Variants in FCHO1 observed in about 807,000 individuals in gnomAD.
The protein encoded by FCHO1 is FCH and mu domain containing endocytic adaptor 1.
In FCHO1, 45 loss-of-function variants were observed where a neutral mutation model predicts 114.4. The observed-to-expected ratio is 0.39, with a 90% CI of 0.31 to 0.50. The LOEUF (loss-of-function observed/expected upper bound fraction) is 0.50. FCHO1 is among the 20% of genes least tolerant of loss of function. The pLI, the probability that FCHO1 is intolerant of heterozygous loss-of-function variation, is 0.77. For synonymous variants in FCHO1, 480 were observed against 488.9 expected, an observed-to-expected ratio of 0.98 and a Z score of 0.24; for missense variants, 1,042 against 1,209.6, an observed-to-expected ratio of 0.86 and a Z score of 2.06.
At chr19:17,783,250 C>T in intron 24 of FCHO1, 78 bp downstream of exon 24, 1 of 1,415,638 alleles carries the variant, frequency 7.1e-7, no homozygotes, top group Non-Finnish European at 9.6e-7. Flanking sequence ...TCCCTCTCTG[C>T]TTCCTGGGAT....
chr19:17,764,479 G>T, intron 6 of FCHO1, 30 bp downstream of exon 6: 1 of 1,565,564 alleles, frequency 6.4e-7, no homozygotes, highest in Non-Finnish European at 8.7e-7. Flanking sequence ...CCAACATGGG[G>T]ACATTGGGAG....
intron 27 of FCHO1, 148 bp downstream of exon 27, chr19:17,786,777 G>C: frequency 1.2e-6 from 1 of 825,514 alleles, no homozygotes; most frequent in Non-Finnish European, 1.9e-6. Flanking sequence ...GGAGGGCCGG[G>C]CTGAGTGGCA....
chr19:17,767,581 AAAC>A (rs977576133), intron 7 of FCHO1, among the ~76,000 whole-genome samples: 11 of 151,790 alleles, frequency 7.2e-5, no homozygotes, highest in African/African-American at 2.4e-4. Flanking sequence ...AAAAAAAAAA[AAAC>A]AAGAGAGAGA....
At chr19:17,751,171 T>C (rs1300273197), upstream of FCHO1, among the ~76,000 whole-genome samples, 1 of 152,200 alleles carries the variant, frequency 6.6e-6, no homozygotes, top group Non-Finnish European at 1.5e-5. This position sits in a 1 kb window ranked among gnomAD's most constrained non-coding sequence, Gnocchi z 4.4. Context: ...CATTTCCCTC[T>C]CTGAGCCTCA....
At chr19:17,773,750 A>T (rs1226472172) in intron 11 of FCHO1, among the ~76,000 whole-genome samples, 1 of 152,088 alleles carries the variant, frequency 6.6e-6, no homozygotes, top group African/African-American at 2.4e-5. Flanking sequence ...CCCTTGGTCC[A>T]TCCCACTTCT....
chr19:17,779,288 C>T (rs574575175), intron 20 of FCHO1, among the ~76,000 whole-genome samples: 2 of 152,112 alleles, frequency 1.3e-5, no homozygotes, highest in Admixed American at 6.5e-5. Context: ...AGGCAGGGAC[C>T]AGGAAGGGCC....
chr19:17,780,567 C>G (rs188027891), intron 20 of FCHO1, among the ~76,000 whole-genome samples: 4 of 152,172 alleles, frequency 2.6e-5, no homozygotes, highest in Admixed American at 2.6e-4. Context: ...GAGTGGTGCT[C>G]CTGGCATTCA....
intron 26 of FCHO1, among the ~76,000 whole-genome samples, chr19:17,785,641 G>C (rs954207003): frequency 1.3e-5 from 2 of 152,060 alleles, no homozygotes; most frequent in African/African-American, 2.4e-5. Context: ...AGACCATCCT[G>C]GTTAATATGG....
At chr19:17,778,502 T>TG (rs2092940339) in intron 19 of FCHO1, 107 bp from the exon 20 acceptor site, 2 of 1,339,218 alleles carry the variant, frequency 1.5e-6, no homozygotes, top group Admixed American at 5.4e-5. Flanking sequence ...GGACTTTGAA[T>TG]GGGGGCCCCC....
intron 4 of FCHO1, among the ~76,000 whole-genome samples, chr19:17,758,407 G>A (rs2084656800): frequency 6.6e-6 from 1 of 152,132 alleles, no homozygotes; most frequent in South Asian, 2.1e-4. Context: ...ACAAAATGTG[G>A]TGGTGGAAAG....
chr19:17,785,517 C>G (rs2093796324), intron 26 of FCHO1, among the ~76,000 whole-genome samples: 6 of 152,000 alleles, frequency 3.9e-5, no homozygotes, highest in Admixed American at 3.9e-4. Context: ...ACCACTGCAC[C>G]CAGCCTTACA....
chr19:17,775,628 T>A lies in FCHO1; in HGVS notation c.1003+115T>A. ...TGTGTACATCCTGGAGAGAGTCTCCTTTGTGGATGAAGCCAACCTAAATGT... is the reference window on the plus strand; with the variant it reads ...TGTGTACATCCTGGAGAGAGTCTCCATTGTGGATGAAGCCAACCTAAATGT... On this transcript the variant is annotated intron_variant, in intron 15 of 28. Transcript: ENST00000596536. The surrounding 1 kb of genome is among the most constrained non-coding windows in gnomAD (Gnocchi z 5.1). The A allele has an allele frequency of 9.6e-7, 1 of 1,036,728 alleles. No homozygotes were observed. Among genetic ancestry groups the A allele is most frequent in the Non-Finnish European group, 1.5e-6 (1 of 667,826 alleles). The allele number at this position is 1,036,728 out of a possible 1,614,324, so 64.2% of individuals were successfully genotyped here. A position where few individuals can be genotyped will look rare whatever the true frequency, so the allele number is the denominator to read the frequency against.
Position 17,776,833 on chromosome 19 carries a change from TCTCA to T in FCHO1, c.1259+151_1259+154del. ...TTTTTGTTTTTGTTTTGAGACAGAG[TCTCA>T]CTCTGTCACCCAGGCTGGAGTGCGA... On this transcript the variant is annotated intron_variant, in intron 18 of 28. Coordinates refer to ENST00000596536, the MANE Select transcript of FCHO1 (RefSeq NM_015122.3). This position sits in a 1 kb window ranked among gnomAD's most constrained non-coding sequence, Gnocchi z 4.4. 1.4e-6 allele frequency: 1 copy of T among 732,990 alleles called. No individual in the cohort carries two copies. Among genetic ancestry groups the T allele is most frequent in the South Asian group, 1.9e-5 (1 of 54,030 alleles). The allele number at this position is 732,990 out of a possible 1,614,324, so 45.4% of individuals were successfully genotyped here. A position where few individuals can be genotyped will look rare whatever the true frequency, so the allele number is the denominator to read the frequency against.
At position 17,775,018 on chromosome 19, in the gene FCHO1, G is replaced by T; in HGVS notation, c.921-38G>T. ...GCTGACAGGGGGCACCAGATGGGCT[G>T]CGGAAGCTGACACCAACATCTCTTC... On this transcript the variant is annotated intron_variant, in intron 13 of 28. Transcript: ENST00000596536. The surrounding 1 kb of genome is among the most constrained non-coding windows in gnomAD (Gnocchi z 5.1). The T allele has an allele frequency of 1.2e-6, 2 of 1,613,168 alleles. No homozygotes were observed. The highest frequency in any genetic ancestry group is 2.2e-5 in the South Asian group (2 of 91,010).
intron 27 of FCHO1, 49 bp from the exon 28 acceptor site, chr19:17,787,616 ATGAGCCTGGTTCACAGC>A (rs2094022834): frequency 2.0e-6 from 3 of 1,487,394 alleles, no homozygotes; most frequent in African/African-American, 1.4e-5. Flanking sequence ...TGGGCCAAAG[ATGAGCCTGGTTCACAGC>A]TGGGACGGGG....
intron 26 of FCHO1, among the ~76,000 whole-genome samples, chr19:17,785,320 A>G (rs1486883350): frequency 6.6e-6 from 1 of 152,100 alleles, no homozygotes; most frequent in South Asian, 2.1e-4. Flanking sequence ...CCCGGGTTCA[A>G]GCGATTTTCT....
chr19:17,769,389 A>G (rs1444653012), intron 7 of FCHO1, among the ~76,000 whole-genome samples: 1 of 151,806 alleles, frequency 6.6e-6, no homozygotes, highest in Non-Finnish European at 1.5e-5. Flanking sequence ...ATCCTGACTA[A>G]CACGGTGAAA....
At chr19:17,786,439 C>T in intron 26 of FCHO1, 135 bp from the exon 27 acceptor site, 1 of 810,954 alleles carries the variant, frequency 1.2e-6, no homozygotes. Context: ...ACCCTCATTT[C>T]ACAGATGAGG....
At position 17,775,222 on chromosome 19, in the gene FCHO1, TC is replaced by T; in HGVS notation, c.945+145del. On this transcript the variant is annotated intron_variant, in intron 14 of 28. Transcript: ENST00000596536. The surrounding 1 kb of genome is among the most constrained non-coding windows in gnomAD (Gnocchi z 5.1). Reference sequence around the variant, plus strand: ...CTGGAGCCTGGGGGCTGGGTTCATATCCCACCTCAGCTGCAAAGTCCCATGG... The same window carrying T: ...CTGGAGCCTGGGGGCTGGGTTCATATCCACCTCAGCTGCAAAGTCCCATGG... 1 of 976,004 alleles carries T rather than the reference TC, an allele frequency of 1.0e-6. No homozygotes were observed. Among genetic ancestry groups the T allele is most frequent in the Non-Finnish European group, 1.5e-6 (1 of 646,882 alleles). 60.5% of individuals were successfully genotyped at this position (976,004 alleles called of 1,614,324 possible).
Sources: gnomAD v4.1 joint callset for allele counts (sites outside exome capture counted in the v4.1 genomes callset) on GRCh38, gnomAD v4.1.1 for gene constraint, Gnocchi (gnomAD v3.1) non-coding constraint, MANE v1.5 for transcripts, NCBI Gene and HGNC (gene_info 2026-07-23, HGNC 2026-07-21) for gene names.